Variants in TBXAS1 observed in about 807,000 individuals in gnomAD.
TBXAS1 encodes thromboxane-A synthase.
Under a neutral mutation model 60.7 loss-of-function variants are expected in TBXAS1, and 48 were observed. The ratio of observed to expected loss-of-function variants is 0.79; its 90% CI spans 0.63 to 1.01. The LOEUF is 1.01. TBXAS1 is among the 50% of genes least tolerant of loss of function. The pLI, the probability that TBXAS1 is intolerant of heterozygous loss-of-function variation, is 0.00. For synonymous variants in TBXAS1, 287 were observed against 269.7 expected, an observed-to-expected ratio of 1.06 and a Z score of -0.63; for missense variants, 685 against 686.3, an observed-to-expected ratio of 1.00 and a Z score of 0.02.
At position 140,010,370 on chromosome 7, in the gene TBXAS1, G is replaced by A. The variant is rs1276481731; in HGVS notation, c.1226+3188G>A. Among the ~76,000 whole-genome samples, 7 of 152,284 alleles carry A rather than the reference G, an allele frequency of 4.6e-5. No individual in the cohort carries two copies. The South Asian group carries it at 8.3e-4, about 18-fold the overall frequency. On this transcript the variant is annotated intron_variant, in intron 10 of 12. Transcript: ENST00000448866. The stretch of plus-strand genomic sequence containing the variant: ...TTACTCATAAAAGAAAATCAGAATC[G>A]CCCTTGTGGGAAACACAGCAGCCCT...
At chr7:139,859,699 C>T (rs1800833626) in intron 1 of TBXAS1, among the ~76,000 whole-genome samples, 1 of 152,092 alleles carries the variant, frequency 6.6e-6, no homozygotes, top group Non-Finnish European at 1.5e-5. Context: ...AGATTAAGGC[C>T]TTAATACTCG....
intron 4 of TBXAS1, among the ~76,000 whole-genome samples, chr7:139,796,781 TAA>T (rs1797583336): frequency 6.6e-6 from 1 of 152,234 alleles, no homozygotes; most frequent in Non-Finnish European, 1.5e-5. Context: ...TCTAAAAATG[TAA>T]AACAGCTCTT....
chr7:139,998,769 G>A (rs1391405525), intron 9 of TBXAS1, among the ~76,000 whole-genome samples: 2 of 152,208 alleles, frequency 1.3e-5, no homozygotes. Flanking sequence ...GGAGAAGACT[G>A]ATGCCCCGTG....
intron 1 of TBXAS1, among the ~76,000 whole-genome samples, chr7:139,851,867 C>A (rs574143873): frequency 1.5e-4 from 23 of 152,312 alleles, no homozygotes; most frequent in African/African-American, 5.1e-4. Flanking sequence ...GCTCCCTCCC[C>A]CATTGTACCA....
Position 139,953,448 on chromosome 7 carries a change from C to T in TBXAS1, c.531C>T (p.Asp177=), listed in dbSNP as rs566317735. The change falls in exon 6 of 13, where the codon GAC becomes GAT. Residue 177 remains aspartate (D), a synonymous_variant. Transcript: ENST00000448866. Reference sequence around the variant, plus strand: ...ATGCGGAATCTGGGGACGCATTTGACATCCAGAGGTAAGGCTGCTGCATTA... The same window carrying T: ...ATGCGGAATCTGGGGACGCATTTGATATCCAGAGGTAAGGCTGCTGCATTA... The part of the protein sequence containing the change: ...KRYAESGDAF[D]IQRCYCNYTT... 9.1e-5 allele frequency: 147 copies of T among 1,614,170 alleles called. 2 individuals are homozygous for T. In the South Asian group the frequency reaches 1.6e-3, roughly 17 times the overall value.
intron 3 of TBXAS1, among the ~76,000 whole-genome samples, chr7:139,890,606 C>T (rs916907315): frequency 6.6e-6 from 1 of 152,184 alleles, no homozygotes; most frequent in Non-Finnish European, 1.5e-5. Flanking sequence ...AGAGAAAACA[C>T]TGATCTAATA....
chr7:139,875,545 G>A (rs539606012), intron 2 of TBXAS1, 40 bp from the exon 3 acceptor site: 4 of 1,560,794 alleles, frequency 2.6e-6, no homozygotes, highest in Non-Finnish European at 3.5e-6. Context: ...TTGGAATTTT[G>A]CTTAATCTTA....
At chr7:139,950,721 C>T (rs1809164102) in intron 5 of TBXAS1, among the ~76,000 whole-genome samples, 1 of 137,616 alleles carries the variant, frequency 7.3e-6, no homozygotes, top group African/African-American at 2.7e-5. Context: ...CGCCCTCCAT[C>T]TACGGGACCC....
chr7:139,900,410 G>A (rs1335525452), intron 3 of TBXAS1, among the ~76,000 whole-genome samples: 1 of 152,168 alleles, frequency 6.6e-6, no homozygotes, highest in Non-Finnish European at 1.5e-5. Flanking sequence ...CAGGACCCAT[G>A]CCACCTCAGG....
At chr7:139,882,263 T>G (rs972359926) in intron 3 of TBXAS1, among the ~76,000 whole-genome samples, 2 of 152,212 alleles carry the variant, frequency 1.3e-5, no homozygotes, top group Non-Finnish European at 2.9e-5. Context: ...GTTCTTTGAC[T>G]TAGAAGATAT....
At chr7:139,928,447 A>T (rs1807059167) in intron 4 of TBXAS1, among the ~76,000 whole-genome samples, 1 of 152,270 alleles carries the variant, frequency 6.6e-6, no homozygotes, top group South Asian at 2.1e-4. Flanking sequence ...GTAAGTCTTT[A>T]TCTGGTTTGG....
chr7:139,957,811 C>T (rs776535808), intron 8 of TBXAS1, 47 bp downstream of exon 8: 1 of 1,612,756 alleles, frequency 6.2e-7, no homozygotes, highest in Admixed American at 1.7e-5. Flanking sequence ...ATGGAGCCGA[C>T]TTTGGCATCA....
intron 4 of TBXAS1, among the ~76,000 whole-genome samples, chr7:139,930,118 G>A (rs1807196494): frequency 6.6e-6 from 1 of 152,152 alleles, no homozygotes; most frequent in Non-Finnish European, 1.5e-5. Flanking sequence ...TGCCTTTGCT[G>A]TAATGGTTCC....
intron 10 of TBXAS1, among the ~76,000 whole-genome samples, chr7:140,010,143 T>C (rs1814498943): frequency 6.6e-6 from 1 of 151,170 alleles, no homozygotes; most frequent in African/African-American, 2.4e-5. Flanking sequence ...TTTTTCACCC[T>C]ATCAGCTCTG....
chr7:139,983,005 C>A (rs182107592), intron 9 of TBXAS1, among the ~76,000 whole-genome samples: 2 of 152,154 alleles, frequency 1.3e-5, no homozygotes, highest in Non-Finnish European at 2.9e-5. Context: ...ATTCTGGGAT[C>A]CACATTTACT....
chr7:139,794,157 A>G (rs973203999), intron 4 of TBXAS1, among the ~76,000 whole-genome samples: 10 of 151,696 alleles, frequency 6.6e-5, no homozygotes, highest in Non-Finnish European at 1.5e-4. Context: ...GCTGGAGTGC[A>G]GTGGCATGAT....
chr7:139,849,977 T>A (rs538237888), intron 1 of TBXAS1, among the ~76,000 whole-genome samples: 1 of 152,364 alleles, frequency 6.6e-6, no homozygotes, highest in Non-Finnish European at 1.5e-5. Flanking sequence ...AATATTCTCA[T>A]GGGTGCTGGA....
At chr7:139,931,611 A>G (rs1439578006) in intron 4 of TBXAS1, among the ~76,000 whole-genome samples, 8 of 152,224 alleles carry the variant, frequency 5.3e-5, no homozygotes, top group African/African-American at 1.7e-4. Context: ...GGACCTGTGC[A>G]GGGAAACTCC....
intron 1 of TBXAS1, among the ~76,000 whole-genome samples, chr7:139,864,034 T>C (rs1396223056): frequency 6.6e-6 from 1 of 152,208 alleles, no homozygotes; most frequent in African/African-American, 2.4e-5. Flanking sequence ...GGATGCTTAC[T>C]CTTTCTGCTT....
Sources: gnomAD v4.1 joint callset for allele counts (sites outside exome capture counted in the v4.1 genomes callset) on GRCh38, gnomAD v4.1.1 for gene constraint, MANE v1.5 for transcripts, NCBI Gene and HGNC (gene_info 2026-07-23, HGNC 2026-07-21) for gene names.